ZNF469: variants seen among roughly 807,000 people sequenced by gnomAD.
ZNF469 encodes the protein zinc finger protein 469.
A neutral mutation model predicts 1.0 loss-of-function variants in ZNF469; 1 was observed. The observed-to-expected ratio is 1.00, with a 90% CI of 0.35 to 4.73. The LOEUF (loss-of-function observed/expected upper bound fraction) is 4.73, where lower values mean the gene tolerates loss of function less well. Ranked by LOEUF, ZNF469 falls within the 30% of genes most tolerant of loss-of-function variation. The pLI, the probability that ZNF469 is intolerant of heterozygous loss-of-function variation, is 0.16. For synonymous variants in ZNF469, 2,703 were observed against 2,363.4 expected (o/e 1.14, Z -4.17); for missense variants, 6,100 against 5,356.3 (o/e 1.14, Z -4.33).
chr16:88,285,346 C>T, the ZNF469 span, among the ~76,000 whole-genome samples: 4 of 152,272 alleles, frequency 2.6e-5, no homozygotes, highest in East Asian at 1.9e-4. Context: ...CGGTCTCTAA[C>T]CCTCGGCATC....
chr16:88,166,036 C>T, the ZNF469 span, among the ~76,000 whole-genome samples: 3 of 152,260 alleles, frequency 2.0e-5, no homozygotes, highest in South Asian at 6.2e-4. The surrounding 1 kb of genome is among the most constrained non-coding windows in gnomAD (Gnocchi z 4.5). Flanking sequence ...CACCCAGGGG[C>T]CACTGAGGCC....
chr16:88,200,799 T>C, the ZNF469 span, among the ~76,000 whole-genome samples: 1 of 152,258 alleles, frequency 6.6e-6, no homozygotes, highest in African/African-American at 2.4e-5. Context: ...TGAGACTGAG[T>C]AGCTGCATGT....
At chr16:88,120,558 C>T in the ZNF469 span, among the ~76,000 whole-genome samples, 2 of 152,230 alleles carry the variant, frequency 1.3e-5, no homozygotes, top group African/African-American at 2.4e-5. Flanking sequence ...GGACCCGCAG[C>T]GTGAGCTCCA....
chr16:88,218,343 C>A, the ZNF469 span, among the ~76,000 whole-genome samples: 6 of 149,668 alleles, frequency 4.0e-5, no homozygotes, highest in Admixed American at 4.0e-4. Context: ...TGGATATTAG[C>A]CCTTTGTCAG....
the ZNF469 span, among the ~76,000 whole-genome samples, chr16:88,201,527 C>A: frequency 2.6e-5 from 4 of 151,870 alleles, no homozygotes; most frequent in African/African-American, 9.7e-5. This position sits in a 1 kb window ranked among gnomAD's most constrained non-coding sequence, Gnocchi z 5.0. Flanking sequence ...TGCACTCCAG[C>A]CTGAGTGAGA....
chr16:88,141,501 C>T, the ZNF469 span, among the ~76,000 whole-genome samples: 29,530 of 46,404 alleles, frequency 0.64, 10,176 homozygotes, highest in Non-Finnish European at 0.7. Flanking sequence ...TCCTGGGAGG[C>T]ACCCCCGTCC....
chr16:88,282,876 CAG>C, the ZNF469 span, among the ~76,000 whole-genome samples: 4 of 152,210 alleles, frequency 2.6e-5, no homozygotes, highest in Non-Finnish European at 4.4e-5. Flanking sequence ...AAGGTCCACA[CAG>C]GGAGTGCAGC....
chr16:88,290,157 C>T, the ZNF469 span, among the ~76,000 whole-genome samples: 10 of 152,342 alleles, frequency 6.6e-5, no homozygotes, highest in South Asian at 2.1e-4. Context: ...CCATGCACCG[C>T]GGCTTAGCAC....
At chr16:88,388,031 C>T (rs1746272440) in intron 1 of ZNF469, among the ~76,000 whole-genome samples, 2 of 152,270 alleles carry the variant, frequency 1.3e-5, no homozygotes, top group African/African-American at 4.8e-5. Context: ...GTTTGCGTTA[C>T]CAAGTGGGGT....
At position 88,431,092 on chromosome 16, in the gene ZNF469, A is replaced by G. The variant is rs2142304471; in HGVS notation, c.3622A>G (p.Asn1208Asp). 1.3e-6 allele frequency: 2 copies of G among 1,550,110 alleles called. No homozygotes were observed. The highest frequency in any genetic ancestry group is 2.4e-5 in the East Asian group (1 of 40,906). ...APKDPLQVPT[N>D]TETSEETRPS... The stretch of plus-strand genomic sequence containing the variant: ...CAAGGATCCCCTGCAGGTCCCCACC[A>G]ACACCGAGACCTCAGAGGAAACCCG... Residue 1208 changes from asparagine (N) to aspartate (D), a missense_variant, in exon 3 of 3, where the codon AAC becomes GAC. Physicochemically the swap from Asn to Asp is conservative, Grantham distance 23. Transcript: ENST00000565624.
chr16:88,392,500 T>C (rs998797462), intron 1 of ZNF469, among the ~76,000 whole-genome samples: 2 of 152,188 alleles, frequency 1.3e-5, no homozygotes, highest in African/African-American at 4.8e-5. Flanking sequence ...TAAAATAGGG[T>C]CGGTGGGCCT....
chr16:88,254,071 T>G, the ZNF469 span, among the ~76,000 whole-genome samples: 3 of 152,218 alleles, frequency 2.0e-5, no homozygotes, highest in Non-Finnish European at 4.4e-5. Flanking sequence ...GGCTTCTGTC[T>G]GATAAATACT....
chr16:88,218,874 G>A, the ZNF469 span, among the ~76,000 whole-genome samples: 3 of 147,430 alleles, frequency 2.0e-5, no homozygotes, highest in Admixed American at 1.3e-4. Context: ...AAACCCCATT[G>A]TCTCAGCCCA....
chr16:88,334,337 G>A, the ZNF469 span, among the ~76,000 whole-genome samples: 3 of 152,154 alleles, frequency 2.0e-5, no homozygotes, highest in Admixed American at 6.5e-5. Context: ...TACCTGAAAC[G>A]CTCGGGACCA....
chr16:88,390,826 A>G (rs769169500), intron 1 of ZNF469, among the ~76,000 whole-genome samples: 2 of 151,788 alleles, frequency 1.3e-5, no homozygotes, highest in Non-Finnish European at 2.9e-5. Context: ...GGGAATCCCC[A>G]GGTTCTCCAA....
chr16:88,101,630 G>C, the ZNF469 span, among the ~76,000 whole-genome samples: 1 of 151,950 alleles, frequency 6.6e-6, no homozygotes. Context: ...GACGAGTTTG[G>C]GGCTTGCAAG....
At chr16:88,241,821 C>T in the ZNF469 span, among the ~76,000 whole-genome samples, 1 of 152,198 alleles carries the variant, frequency 6.6e-6, no homozygotes, top group Non-Finnish European at 1.5e-5. The surrounding 1 kb of genome is among the most constrained non-coding windows in gnomAD (Gnocchi z 4.8). Flanking sequence ...CCCTGCCCTT[C>T]AGGGTGAGGG....
the ZNF469 span, among the ~76,000 whole-genome samples, chr16:88,245,183 A>G: frequency 6.6e-6 from 1 of 152,212 alleles, no homozygotes; most frequent in African/African-American, 2.4e-5. Flanking sequence ...CTTCCTGATG[A>G]AGATGTCTCA....
chr16:88,217,101 T>G, the ZNF469 span, among the ~76,000 whole-genome samples: 1 of 152,194 alleles, frequency 6.6e-6, no homozygotes, highest in Non-Finnish European at 1.5e-5. Context: ...TTCTCTTGGT[T>G]TTTGGTCGTG....
Sources: allele counts gnomAD v4.1 joint callset (sites outside exome capture counted in the v4.1 genomes callset), GRCh38; gene constraint gnomAD v4.1.1; non-coding constraint Gnocchi (gnomAD v3.1); transcripts MANE v1.5; gene names NCBI Gene and HGNC (gene_info 2026-07-23, HGNC 2026-07-21).